NHSL1: variants seen among roughly 807,000 people sequenced by gnomAD.
The protein encoded by NHSL1 is NHS-like protein 1.
NHSL1 carries 48 observed loss-of-function variants against 95.0 expected under a neutral mutation model. The ratio of observed to expected loss-of-function variants is 0.51; its 90% CI spans 0.40 to 0.64. The LOEUF (loss-of-function observed/expected upper bound fraction) is 0.64, where lower values mean the gene tolerates loss of function less well. NHSL1 is among the 30% of genes least tolerant of loss of function. The pLI is 0.00. For missense variants in NHSL1, 1,971 were observed against 2,077.7 expected (o/e 0.95, Z 1.00); for synonymous variants, 783 against 833.9 (o/e 0.94, Z 1.05).
chr6:138,425,657 T>G (rs1488567661), intron 7 of NHSL1, among the ~76,000 whole-genome samples: 2 of 152,196 alleles, frequency 1.3e-5, no homozygotes, highest in Non-Finnish European at 2.9e-5. Context: ...ATGCTGACCC[T>G]CCTTTCTTTC....
intron 1 of NHSL1, among the ~76,000 whole-genome samples, chr6:138,545,468 A>G (rs377493970): frequency 6.6e-6 from 1 of 152,208 alleles, no homozygotes; most frequent in South Asian, 2.1e-4. Context: ...TGTTTGCAAC[A>G]AAAAAGAACA....
chr6:138,556,658 A>G (rs1783204742), intron 1 of NHSL1, among the ~76,000 whole-genome samples: 1 of 151,868 alleles, frequency 6.6e-6, no homozygotes, highest in East Asian at 1.9e-4. Context: ...TTAGTGGTTC[A>G]TTAACAAATT....
chr6:138,512,837 T>C (rs1219998696), intron 1 of NHSL1, among the ~76,000 whole-genome samples: 2 of 152,154 alleles, frequency 1.3e-5, no homozygotes, highest in African/African-American at 4.8e-5. Flanking sequence ...CCCACAGTGA[T>C]CAAAGGAGGA....
At chr6:138,455,053 T>C (rs1231795569) in intron 3 of NHSL1, among the ~76,000 whole-genome samples, 5 of 152,238 alleles carry the variant, frequency 3.3e-5, no homozygotes, top group African/African-American at 1.2e-4. Context: ...ACATTCTCAC[T>C]GGTTTGCAGG....
At chr6:138,592,953 C>T (rs1157567605) in intron 1 of NHSL1, among the ~76,000 whole-genome samples, 3 of 152,184 alleles carry the variant, frequency 2.0e-5, no homozygotes, top group African/African-American at 4.8e-5. Context: ...AATCAGTTTA[C>T]TTGCTTCCTC....
chr6:138,535,378 A>G (rs1782297959), intron 1 of NHSL1, among the ~76,000 whole-genome samples: 1 of 152,176 alleles, frequency 6.6e-6, no homozygotes, highest in African/African-American at 2.4e-5. Flanking sequence ...AGTCTCGGCA[A>G]CACAGTAAAA....
rs529210816 is a variant in NHSL1 at position 138,431,716 on chromosome 6, C to T, written c.2629G>A (p.Gly877Arg). 45 of 1,551,756 alleles carry T rather than the reference C, an allele frequency of 2.9e-5. 1 individual carries two copies. In the South Asian group the frequency reaches 5.0e-4, roughly 17 times the overall value. Residue 877 changes from glycine (G) to arginine (R), a missense_variant, in exon 6 of 8, where the codon GGG becomes AGG. Around this residue, in one of 3 missense-constraint regions of NHSL1, gnomAD observed 1,602 missense variants for 1,654.5 expected, o/e 0.97. Transcript: ENST00000343505. This position sits in a 1 kb window ranked among gnomAD's most constrained non-coding sequence, Gnocchi z 4.0. ...VFLKSVSPAN[G>R]KGKPKPKVPE... ...ACCTTGGGCTTGGGCTTCCCCTTCC[C>T]GTTTGCTGGTGACACTGATTTTAAA...
At chr6:138,643,879 T>C (rs1583463449) in intron 1 of NHSL1, among the ~76,000 whole-genome samples, 1 of 151,798 alleles carries the variant, frequency 6.6e-6, no homozygotes, top group East Asian at 1.9e-4. Context: ...GTGCCTGTAA[T>C]CCTAGCTACC....
At position 138,424,860 on chromosome 6, in the gene NHSL1, C is replaced by G. The variant is rs776397354; in HGVS notation, c.4086-44G>C. ...AAGAAAAAGGTTAATTCCCACGGGA[C>G]CACAGGCTGTCAGCCACAACCACTC... On this transcript the variant is annotated intron_variant, in intron 7 of 7. Transcript: ENST00000343505. This position sits in a 1 kb window ranked among gnomAD's most constrained non-coding sequence, Gnocchi z 5.9. The G allele has an allele frequency of 1.2e-4, 181 of 1,488,620 alleles. No individual in the cohort carries two copies. The highest frequency in any genetic ancestry group is 1.6e-4 in the Non-Finnish European group (175 of 1,103,950). The allele number at this position is 1,488,620 out of a possible 1,614,324, so 92.2% of individuals were successfully genotyped here. A position where few individuals can be genotyped will look rare whatever the true frequency, so the allele number is the denominator to read the frequency against.
intron 1 of NHSL1, among the ~76,000 whole-genome samples, chr6:138,498,646 G>C (rs1471665985): frequency 1.3e-5 from 2 of 152,204 alleles, no homozygotes; most frequent in East Asian, 1.9e-4. Context: ...AGAAATGTAA[G>C]TCAATGGTAA....
At chr6:138,509,030 T>C (rs1781096556) in intron 1 of NHSL1, among the ~76,000 whole-genome samples, 1 of 152,220 alleles carries the variant, frequency 6.6e-6, no homozygotes, top group Non-Finnish European at 1.5e-5. Flanking sequence ...TAAGTAGAGC[T>C]ACATATTGAT....
chr6:138,465,113 T>C (rs543257507), intron 3 of NHSL1, among the ~76,000 whole-genome samples: 1 of 147,194 alleles, frequency 6.8e-6, no homozygotes, highest in Admixed American at 6.7e-5. Flanking sequence ...CAGAGTACAA[T>C]AATACCCTAG....
At chr6:138,642,229 A>AT (rs1784968476) in intron 1 of NHSL1, among the ~76,000 whole-genome samples, 1 of 152,184 alleles carries the variant, frequency 6.6e-6, no homozygotes, top group South Asian at 2.1e-4. Flanking sequence ...AAAAATTAAA[A>AT]TTTTTAATTT....
rs1775120140 is a variant in NHSL1 at position 138,424,426 on chromosome 6, A to G, written c.4476T>C (p.Phe1492=). The G allele has an allele frequency of 1.9e-6, 3 of 1,550,262 alleles. No homozygotes were observed. The African/African-American group carries it at 4.1e-5, about 21-fold the overall frequency. ...NEGLMPRSLS[F]SGPRYGRSRT... is the part of the protein sequence containing the mutation. ...GGCTGCGGCCGTACCTGGGGCCGGA[A>G]AAGGACAGACTCCGAGGCATCAAGC... The change falls in exon 8 of 8, where the codon TTT becomes TTC. Residue 1492 remains phenylalanine (F), a synonymous_variant. Transcript: ENST00000343505. This position sits in a 1 kb window ranked among gnomAD's most constrained non-coding sequence, Gnocchi z 5.9.
At chr6:138,633,378 A>G (rs1034066181) in intron 1 of NHSL1, among the ~76,000 whole-genome samples, 1 of 152,344 alleles carries the variant, frequency 6.6e-6, no homozygotes, top group East Asian at 1.9e-4. Flanking sequence ...TAACCCAAAA[A>G]GACCACCTCA....
intron 2 of NHSL1, among the ~76,000 whole-genome samples, chr6:138,493,305 G>C (rs758489728): frequency 3.4e-4 from 52 of 152,140 alleles, no homozygotes; most frequent in Non-Finnish European, 6.3e-4. Flanking sequence ...AACCATTTTA[G>C]AGCATTAAAG....
chr6:138,663,287 G>A (rs1204771295), intron 1 of NHSL1, among the ~76,000 whole-genome samples: 2 of 152,010 alleles, frequency 1.3e-5, no homozygotes, highest in East Asian at 1.9e-4. Context: ...TAGGCCAGGC[G>A]TGGTGGGTCA....
At chr6:138,478,369 C>T (rs1476968313) in intron 2 of NHSL1, among the ~76,000 whole-genome samples, 1 of 152,124 alleles carries the variant, frequency 6.6e-6, no homozygotes, top group Admixed American at 6.5e-5. Flanking sequence ...AATATAAATT[C>T]ATGGCAGCTG....
intron 1 of NHSL1, among the ~76,000 whole-genome samples, chr6:138,624,336 A>G (rs1490890037): frequency 6.6e-6 from 1 of 152,128 alleles, no homozygotes; most frequent in Non-Finnish European, 1.5e-5. Flanking sequence ...CACATTTTGA[A>G]AAGCAAGGAA....
Sources: allele counts gnomAD v4.1 joint callset (sites outside exome capture counted in the v4.1 genomes callset), GRCh38; gene constraint gnomAD v4.1.1; regional missense constraint gnomAD v4.1.1; non-coding constraint Gnocchi (gnomAD v3.1); transcripts MANE v1.5; gene names NCBI Gene and HGNC (gene_info 2026-07-23, HGNC 2026-07-21).